Variants in CCSER1 observed in about 807,000 individuals in gnomAD.
CCSER1 encodes coiled-coil serine rich protein 1.
CCSER1 carries 41 observed loss-of-function variants against 82.0 expected under a neutral mutation model. The observed-to-expected ratio is 0.50, with a 90% CI of 0.39 to 0.65. CCSER1 has a LOEUF of 0.65. CCSER1 is among the 30% of genes least tolerant of loss of function. CCSER1 has a pLI of 0.00. For missense variants in CCSER1, 1,119 were observed against 1,064.2 expected (o/e 1.05, Z -0.72); for synonymous variants, 414 against 383.9 (o/e 1.08, Z -0.92).
intron 10 of CCSER1, among the ~76,000 whole-genome samples, chr4:91,329,929 T>C (rs1746831461): frequency 6.6e-6 from 1 of 152,168 alleles, no homozygotes. Flanking sequence ...TTATTAGTCA[T>C]TTTGCTTTAT....
At chr4:91,519,718 G>A (rs183263744) in intron 10 of CCSER1, among the ~76,000 whole-genome samples, 1 of 152,232 alleles carries the variant, frequency 6.6e-6, no homozygotes, top group South Asian at 2.1e-4. Flanking sequence ...CTATGGAGGG[G>A]GTGTCTCCCC....
At position 90,813,311 on chromosome 4, in the gene CCSER1, CA is replaced by C. The variant is rs759469524; in HGVS notation, c.2011-2450del. On this transcript the variant is annotated intron_variant, in intron 7 of 10. Coordinates refer to ENST00000509176, the MANE Select transcript of CCSER1 (RefSeq NM_001145065.2). Reference sequence around the variant, plus strand: ...ATTAAATCTTAAAGCTCCAAAATCTCATTTGACTCTGTGTCTTACATCCAGG... The same window carrying C: ...ATTAAATCTTAAAGCTCCAAAATCTCTTTGACTCTGTGTCTTACATCCAGG... Among the ~76,000 whole-genome samples the C allele has an allele frequency of 1.8e-4, 27 of 152,326 alleles. No individual in the cohort carries two copies. The East Asian group carries it at 3.5e-3, about 20-fold the overall frequency.
intron 10 of CCSER1, among the ~76,000 whole-genome samples, chr4:91,327,045 C>A (rs143561985): frequency 4.9e-4 from 75 of 152,298 alleles, no homozygotes; most frequent in African/African-American, 1.6e-3. Flanking sequence ...CAGTTCCAGG[C>A]ACATGGTACA....
chr4:91,342,169 A>G (rs1015564216), intron 10 of CCSER1, among the ~76,000 whole-genome samples: 1 of 152,218 alleles, frequency 6.6e-6, no homozygotes, highest in African/African-American at 2.4e-5. Flanking sequence ...ACTACAGTCT[A>G]TAAGATTGTT....
At position 90,332,425 on chromosome 4, in the gene CCSER1, G is replaced by A. The variant is rs1047311326; in HGVS notation, c.1509+19378G>A. Among the ~76,000 whole-genome samples the A allele has an allele frequency of 5.3e-5, 8 of 151,902 alleles. No individual in the cohort carries two copies. The East Asian group carries it at 9.7e-4, about 18-fold the overall frequency. On this transcript the variant is annotated intron_variant, in intron 3 of 10. Coordinates refer to ENST00000509176, the MANE Select transcript of CCSER1 (RefSeq NM_001145065.2). ...CTAACTTTGTATTTTTAGTAGAGAC[G>A]GGGTTTCACTATGTTGGTCAGGCTG... is the stretch of plus-strand genomic sequence containing the variant.
chr4:90,158,292 G>T (rs1578241442), intron 1 of CCSER1, among the ~76,000 whole-genome samples: 1 of 152,176 alleles, frequency 6.6e-6, no homozygotes, highest in East Asian at 1.9e-4. Flanking sequence ...CCTACTGGGG[G>T]GTGCCTCCCA....
At chr4:91,091,530 T>A (rs1234337300) in intron 10 of CCSER1, among the ~76,000 whole-genome samples, 1 of 152,204 alleles carries the variant, frequency 6.6e-6, no homozygotes, top group East Asian at 1.9e-4. Flanking sequence ...ACCACACCAG[T>A]CCATGTTATA....
At chr4:90,768,699 T>A (rs1828884) in intron 7 of CCSER1, among the ~76,000 whole-genome samples, 49,170 of 152,028 alleles carry the variant, frequency 0.32, 9,006 homozygotes, top group African/African-American at 0.51. Context: ...ATCCTTGTTA[T>A]ATAGTATCAG....
rs577930963 is a variant in CCSER1, at chr4:91,332,825, A to G, written c.2217+246831A>G. On this transcript the variant is annotated intron_variant, in intron 10 of 10. Transcript: ENST00000509176. ...AAATCTGAACCTACTTTTTATATAA[A>G]AAGGCCTTGTCATTTTCCCTGTAAA... is the stretch of plus-strand genomic sequence containing the variant. 6.6e-5 allele frequency among the ~76,000 whole-genome samples: 10 copies of G among 152,134 alleles called. No homozygotes were observed. In the East Asian group the frequency reaches 1.9e-3, roughly 29 times the overall value.
At chr4:90,231,550 G>C (rs1744554930) in intron 1 of CCSER1, among the ~76,000 whole-genome samples, 1 of 144,048 alleles carries the variant, frequency 6.9e-6, no homozygotes, top group Non-Finnish European at 1.5e-5. Context: ...CATTCCCTTT[G>C]AAAACTGGCA....
intron 10 of CCSER1, among the ~76,000 whole-genome samples, chr4:91,163,069 A>G (rs1731616344): frequency 6.6e-6 from 1 of 152,182 alleles, no homozygotes; most frequent in Non-Finnish European, 1.5e-5. Flanking sequence ...GTGGGCATTT[A>G]GTGCTATAAA....
intron 1 of CCSER1, among the ~76,000 whole-genome samples, chr4:90,257,949 A>T (rs569269435): frequency 6.6e-6 from 1 of 152,300 alleles, no homozygotes; most frequent in East Asian, 1.9e-4. Context: ...ATCCAGAAAC[A>T]TCTTCATAGA....
intron 6 of CCSER1, among the ~76,000 whole-genome samples, chr4:90,635,240 T>A (rs1472330560): frequency 6.6e-6 from 1 of 151,688 alleles, no homozygotes; most frequent in African/African-American, 2.4e-5. Flanking sequence ...TATAGAATAC[T>A]ACAATTAATA....
At chr4:90,598,302 G>A (rs910567841) in intron 5 of CCSER1, among the ~76,000 whole-genome samples, 1 of 151,584 alleles carries the variant, frequency 6.6e-6, no homozygotes, top group Non-Finnish European at 1.5e-5. Flanking sequence ...AAGTTTTAGG[G>A]TACATGTGCA....
At chr4:91,338,428 C>G (rs1211990191) in intron 10 of CCSER1, among the ~76,000 whole-genome samples, 1 of 152,048 alleles carries the variant, frequency 6.6e-6, no homozygotes, top group African/African-American at 2.4e-5. Context: ...GGAAACAACT[C>G]TGTAATTCTT....
chr4:91,494,671 A>G (rs889685873), intron 10 of CCSER1, among the ~76,000 whole-genome samples: 10 of 151,784 alleles, frequency 6.6e-5, no homozygotes, highest in Admixed American at 2.0e-4. Context: ...GAAACTTCCA[A>G]TAACATGGAG....
At chr4:91,503,531 A>C (rs1023024362) in intron 10 of CCSER1, among the ~76,000 whole-genome samples, 3 of 152,120 alleles carry the variant, frequency 2.0e-5, no homozygotes, top group African/African-American at 7.2e-5. Context: ...AATTTAAAGC[A>C]TGGTAAATCA....
intron 10 of CCSER1, among the ~76,000 whole-genome samples, chr4:91,568,511 A>G (rs1763006574): frequency 6.6e-6 from 1 of 152,276 alleles, no homozygotes; most frequent in Middle Eastern, 3.4e-3. Flanking sequence ...GCCTCTTCAT[A>G]TAATCTCATA....
At chr4:90,501,963 T>C (rs1191799292) in intron 5 of CCSER1, among the ~76,000 whole-genome samples, 1 of 152,184 alleles carries the variant, frequency 6.6e-6, no homozygotes, top group Admixed American at 6.6e-5. Flanking sequence ...CATTTTTATC[T>C]TAAAGAATTC....
Sources: allele counts gnomAD v4.1 joint callset (sites outside exome capture counted in the v4.1 genomes callset), GRCh38; gene constraint gnomAD v4.1.1; transcripts MANE v1.5; gene names NCBI Gene and HGNC (gene_info 2026-07-23, HGNC 2026-07-21).